The following AGBL1 variants were observed in gnomAD, a reference collection of about 807,000 sequenced individuals.
AGBL1 encodes cytosolic carboxypeptidase 4.
A neutral mutation model predicts 118.9 loss-of-function variants in AGBL1; 130 were observed. That is an observed-to-expected ratio of 1.09 (90% CI 0.95 to 1.26). AGBL1 has a LOEUF of 1.26. Ranked by LOEUF, AGBL1 falls within the 50% of genes most tolerant of loss-of-function variation. The pLI, the probability that AGBL1 is intolerant of heterozygous loss-of-function variation, is 0.00. For missense variants in AGBL1, 1,584 were observed against 1,298.1 expected (o/e 1.22, Z -3.38); for synonymous variants, 555 against 478.9 (o/e 1.16, Z -2.08).
At chr15:86,715,830 G>A (rs1160287145) in intron 22 of AGBL1, among the ~76,000 whole-genome samples, 3 of 152,070 alleles carry the variant, frequency 2.0e-5, no homozygotes, top group African/African-American at 2.4e-5. Context: ...AGGCTGAGGC[G>A]GGCGGATCAC....
chr15:86,881,072 G>T (rs1486155947), intron 22 of AGBL1, among the ~76,000 whole-genome samples: 1 of 152,166 alleles, frequency 6.6e-6, no homozygotes, highest in Non-Finnish European at 1.5e-5. Context: ...GACAGTTAGT[G>T]TGCATGGCGG....
At chr15:86,357,152 G>A (rs1596009614) in intron 17 of AGBL1, among the ~76,000 whole-genome samples, 1 of 152,306 alleles carries the variant, frequency 6.6e-6, no homozygotes. Context: ...AGTCATGTAT[G>A]TAAAAGAGGG....
intron 5 of AGBL1, among the ~76,000 whole-genome samples, chr15:86,216,141 GT>G (rs1211857617): frequency 6.6e-6 from 1 of 152,120 alleles, no homozygotes; most frequent in Non-Finnish European, 1.5e-5. Flanking sequence ...AGTTTTAATA[GT>G]TTTTAGTGAC....
At chr15:86,498,817 G>A (rs888426221) in intron 18 of AGBL1, among the ~76,000 whole-genome samples, 1 of 151,826 alleles carries the variant, frequency 6.6e-6, no homozygotes, top group African/African-American at 2.4e-5. Flanking sequence ...AACTAGAAGG[G>A]CTTCTTAAAG....
At chr15:86,335,422 C>G (rs1307218116) in intron 17 of AGBL1, among the ~76,000 whole-genome samples, 2 of 151,968 alleles carry the variant, frequency 1.3e-5, no homozygotes, top group Non-Finnish European at 2.9e-5. Flanking sequence ...ACAGGTGTGA[C>G]CCACCATGCC....
intron 22 of AGBL1, among the ~76,000 whole-genome samples, chr15:86,753,397 C>CTTTTTTTTTTTTTTTTTTTT (rs1555446759): frequency 9.0e-6 from 1 of 111,298 alleles, no homozygotes; most frequent in Non-Finnish European, 1.9e-5. Flanking sequence ...TTTTCTTTTT[C>CTTTTTTTTTTTTTTTTTTTT]TTTTTTTTTT....
At chr15:86,542,456 T>A (rs145485897) in intron 19 of AGBL1, among the ~76,000 whole-genome samples, 3,155 of 144,824 alleles carry the variant, frequency 0.022, 74 homozygotes, top group Non-Finnish European at 0.028. Flanking sequence ...AACCTCCACC[T>A]CCCAGGTTCA....
intron 17 of AGBL1, among the ~76,000 whole-genome samples, chr15:86,359,387 C>CTTTTTTTTTTTT (rs56189861): frequency 6.4e-5 from 6 of 93,792 alleles, no homozygotes; most frequent in East Asian, 3.5e-4. Context: ...TATTGGTTTT[C>CTTTTTTTTTTTT]TTTTTTTTTT....
At chr15:86,526,544 G>GTGTATA (rs754816154) in intron 19 of AGBL1, among the ~76,000 whole-genome samples, 65 of 119,438 alleles carry the variant, frequency 5.4e-4, no homozygotes, top group African/African-American at 2.0e-3. Flanking sequence ...TTGTGTCTGT[G>GTGTATA]TATATATATA....
chr15:86,848,495 C>T (rs1445378097), intron 22 of AGBL1, among the ~76,000 whole-genome samples: 1 of 152,134 alleles, frequency 6.6e-6, no homozygotes, highest in African/African-American at 2.4e-5. Flanking sequence ...TATCACATCC[C>T]TTCATCATCT....
At chr15:86,172,486 T>G (rs1360178169) in intron 5 of AGBL1, among the ~76,000 whole-genome samples, 2 of 152,198 alleles carry the variant, frequency 1.3e-5, no homozygotes, top group Non-Finnish European at 2.9e-5. Context: ...GTACCCACAT[T>G]AACCGATTTC....
intron 22 of AGBL1, among the ~76,000 whole-genome samples, chr15:86,838,569 G>T (rs887309538): frequency 6.6e-6 from 1 of 152,182 alleles, no homozygotes; most frequent in African/African-American, 2.4e-5. Flanking sequence ...AGATTTTGGG[G>T]TGCCTCACTG....
intron 23 of AGBL1, among the ~76,000 whole-genome samples, chr15:86,983,134 T>A (rs2081248263): frequency 6.6e-6 from 1 of 152,212 alleles, no homozygotes; most frequent in Non-Finnish European, 1.5e-5. Flanking sequence ...ATTTCCATGA[T>A]TACTATTGAG....
intron 24 of AGBL1, among the ~76,000 whole-genome samples, chr15:87,002,082 G>A (rs563341766): frequency 6.6e-6 from 1 of 152,002 alleles, no homozygotes; most frequent in Non-Finnish European, 1.5e-5. Flanking sequence ...GTATTGCCTA[G>A]GTTTTCTTCT....
chr15:86,488,045 T>G (rs1251862821), intron 18 of AGBL1, among the ~76,000 whole-genome samples: 3 of 152,090 alleles, frequency 2.0e-5, no homozygotes, highest in Admixed American at 6.6e-5. Flanking sequence ...CCTGAACTTT[T>G]CTACTCAGCC....
chr15:86,315,318 A>T (rs2079985514), intron 17 of AGBL1, among the ~76,000 whole-genome samples: 1 of 152,162 alleles, frequency 6.6e-6, no homozygotes, highest in Non-Finnish European at 1.5e-5. Context: ...AGCTAGGTAG[A>T]CTTCTAAAGG....
At chr15:86,647,474 G>T (rs1026597808) in intron 21 of AGBL1, among the ~76,000 whole-genome samples, 1 of 152,206 alleles carries the variant, frequency 6.6e-6, no homozygotes, top group African/African-American at 2.4e-5. Context: ...GCCAAAGCGG[G>T]TAGATCACCT....
chr15:86,849,474 C>A (rs2079370005), intron 22 of AGBL1, among the ~76,000 whole-genome samples: 1 of 150,158 alleles, frequency 6.7e-6, no homozygotes, highest in South Asian at 2.1e-4. Context: ...CTAAGTAGAA[C>A]AAAGAGCTAT....
intron 18 of AGBL1, among the ~76,000 whole-genome samples, chr15:86,466,062 T>G (rs979860691): frequency 1.3e-5 from 2 of 152,284 alleles, no homozygotes; most frequent in Non-Finnish European, 2.9e-5. Context: ...TTGTATTCTT[T>G]CTCTTTATTT....
Sources: gnomAD v4.1 joint callset for allele counts (sites outside exome capture counted in the v4.1 genomes callset) on GRCh38, gnomAD v4.1.1 for gene constraint, MANE v1.5 for transcripts, NCBI Gene and HGNC (gene_info 2026-07-23, HGNC 2026-07-21) for gene names.